PARP10: variants seen among roughly 807,000 people sequenced by gnomAD.
The protein encoded by PARP10 is protein mono-ADP-ribosyltransferase PARP10.
PARP10 carries 56 observed loss-of-function variants against 82.4 expected under a neutral mutation model. The ratio of observed to expected loss-of-function variants is 0.68; its 90% CI spans 0.55 to 0.85. The LOEUF is 0.85. Ranked by LOEUF, PARP10 falls within the 40% of genes least tolerant of loss-of-function variation. The pLI, the probability that PARP10 is intolerant of heterozygous loss-of-function variation, is 0.00. For missense variants in PARP10, 1,227 were observed against 1,379.4 expected (o/e 0.89, Z 1.75); for synonymous variants, 576 against 601.1 (o/e 0.96, Z 0.61).
upstream of PARP10, chr8:143,992,445 C>T (rs370903755): frequency 3.7e-5 from 60 of 1,613,974 alleles, no homozygotes; most frequent in East Asian, 7.6e-4. Context: ...CCCCATGGCC[C>T]GTTCCTCTCC....
intron 1 of PARP10, among the ~76,000 whole-genome samples, chr8:144,004,805 C>T (rs1564261663): frequency 1.3e-5 from 2 of 152,138 alleles, no homozygotes; most frequent in Non-Finnish European, 2.9e-5. Context: ...CCAAGTCAGA[C>T]CCAGTGTCCC....
chr8:144,012,060 T>C (rs1215013872), intron 1 of PARP10, among the ~76,000 whole-genome samples: 4 of 152,212 alleles, frequency 2.6e-5, no homozygotes, highest in Non-Finnish European at 4.4e-5. Context: ...TGCTGGACAC[T>C]GGGGTTTCCA....
intron 8 of PARP10, 40 bp from the exon 9 acceptor site, chr8:143,983,105 G>C: frequency 6.2e-7 from 1 of 1,613,474 alleles, no homozygotes. Flanking sequence ...AGCCATGCCT[G>C]GGGCACTAGC....
chr8:144,007,767 G>A (rs534690668), intron 1 of PARP10, among the ~76,000 whole-genome samples: 1 of 152,306 alleles, frequency 6.6e-6, no homozygotes, highest in South Asian at 2.1e-4. Flanking sequence ...AGACTAGACT[G>A]CCGGCACCAA....
At chr8:143,993,679 C>A (rs574585070), upstream of PARP10, among the ~76,000 whole-genome samples, 1 of 152,176 alleles carries the variant, frequency 6.6e-6, no homozygotes, top group Non-Finnish European at 1.5e-5. Context: ...CCAGGTGCTC[C>A]GTGGAGATGG....
intron 9 of PARP10, among the ~76,000 whole-genome samples, chr8:143,980,975 A>AAG (rs2133038095): frequency 6.6e-6 from 1 of 152,348 alleles, no homozygotes; most frequent in South Asian, 2.1e-4. Flanking sequence ...GAGGAGGCAA[A>AAG]AGAGAGAGAA....
upstream of PARP10, among the ~76,000 whole-genome samples, chr8:143,995,630 C>A (rs1834159257): frequency 6.6e-6 from 1 of 152,140 alleles, no homozygotes; most frequent in Non-Finnish European, 1.5e-5. Context: ...CTGATCTGGT[C>A]CTATCTTGTA....
chr8:144,012,258 G>T (rs1834293140), intron 1 of PARP10, among the ~76,000 whole-genome samples: 1 of 152,248 alleles, frequency 6.6e-6, no homozygotes. Flanking sequence ...GGTGAAGTTG[G>T]CGAGACAGAG....
At chr8:143,991,155 G>T, upstream of PARP10, 1 of 1,123,020 alleles carries the variant, frequency 8.9e-7, no homozygotes, top group South Asian at 1.6e-5. Context: ...TCCCGACGCT[G>T]TCGTCAAGCC....
intron 1 of PARP10, among the ~76,000 whole-genome samples, chr8:144,009,869 C>T (rs1306595158): frequency 1.3e-5 from 2 of 152,164 alleles, no homozygotes; most frequent in Non-Finnish European, 2.9e-5. Flanking sequence ...TCAGCTCTGC[C>T]CACTCTCTCC....
At position 143,984,074 on chromosome 8, in the gene PARP10, G is replaced by A; in HGVS notation, c.1711C>T (p.Pro571Ser). 1.9e-6 allele frequency: 3 copies of A among 1,549,440 alleles called. No individual in the cohort carries two copies. Among genetic ancestry groups the A allele is most frequent in the South Asian group, 1.2e-5 (1 of 80,566 alleles). ...GTCCACAGGGTGTGGGCGTTGCCAGGGAGCACTGGGAGGGCCTCGGTAGGG... is the reference window on the plus strand; with the variant it reads ...GTCCACAGGGTGTGGGCGTTGCCAGAGAGCACTGGGAGGGCCTCGGTAGGG... ...VDPTEALPVLPGNAHTLWTPD... is the reference protein window; with the variant it reads ...VDPTEALPVLSGNAHTLWTPD... Residue 571 changes from proline (P) to serine (S), a missense_variant, in exon 7 of 11, where the codon CCT becomes TCT. Physicochemically the swap from Pro to Ser is moderately conservative, Grantham distance 74. Transcript: ENST00000313028.
At chr8:143,986,500 C>T, upstream of PARP10, 1 of 1,394,708 alleles carries the variant, frequency 7.2e-7, no homozygotes, top group East Asian at 2.3e-5. Context: ...CAGCTGGGCC[C>T]TGGGCGCTGA....
upstream of PARP10, among the ~76,000 whole-genome samples, chr8:143,989,165 G>A (rs2133058881): frequency 6.6e-6 from 1 of 152,370 alleles, no homozygotes; most frequent in South Asian, 2.1e-4. The surrounding 1 kb of genome is among the most constrained non-coding windows in gnomAD (Gnocchi z 4.3). Context: ...GGCCCTCCAA[G>A]GGCGGGAGGG....
chr8:143,985,173 G>T lies in PARP10; in HGVS notation c.829C>A (p.Leu277Ile), dbSNP rs782403822. 11 of 1,614,168 alleles carry T rather than the reference G, an allele frequency of 6.8e-6. No individual in the cohort carries two copies. The highest frequency in any genetic ancestry group is 9.3e-6 in the Non-Finnish European group (11 of 1,180,024). Residue 277 changes from leucine (L) to isoleucine (I), a missense_variant, in exon 5 of 11, where the codon CTC (leucine) becomes ATC (isoleucine). Leu to Ile is a conservative substitution (Grantham distance 5, BLOSUM62 2). Transcript: ENST00000313028. ...TQGPRATKHALLRTGGLVTAL... is the reference protein window; with the variant it reads ...TQGPRATKHAILRTGGLVTAL... ...GTCACCAACCCTCCGGTCCTCAGGA[G>T]AGCATGCTTGGTAGCCCTAGGCCCC...
intron 1 of PARP10, among the ~76,000 whole-genome samples, chr8:144,010,646 A>G (rs1381346037): frequency 4.6e-5 from 7 of 152,218 alleles, no homozygotes; most frequent in African/African-American, 1.4e-4. Context: ...AGGCTGAGGC[A>G]GAAGGATTGC....
In PARP10 at chr8:143,977,722, C is replaced by G; in HGVS notation, c.2840G>C (p.Arg947Pro). The change falls in exon 11 of 11, where the codon CGG becomes CCG. Residue 947 changes from arginine to proline, a missense_variant. By Grantham distance (103) the Arg-to-Pro change is moderately radical. Transcript: ENST00000313028. ...CTGCCCGTAGTCGCCAGTCAGCACCCGTGCCACGAACACCGCCTTATGGCC... is the reference window on the plus strand; with the variant it reads ...CTGCCCGTAGTCGCCAGTCAGCACCGGTGCCACGAACACCGCCTTATGGCC... ...ADGHKAVFVA[R>P]VLTGDYGQGR... The G allele has an allele frequency of 6.3e-7, 1 of 1,599,080 alleles. No homozygotes were observed. Among genetic ancestry groups the G allele is most frequent in the Non-Finnish European group, 8.5e-7 (1 of 1,173,654 alleles).
intron 1 of PARP10, among the ~76,000 whole-genome samples, chr8:144,004,249 C>T (rs782775876): frequency 2.4e-4 from 37 of 151,958 alleles, no homozygotes; most frequent in Admixed American, 2.4e-3. Flanking sequence ...AGGTCGAGGC[C>T]CTGTCTCAGA....
rs1201985647 is a variant in PARP10 at position 144,008,389 on chromosome 8, G to C, written c.-80+4141C>G. On this transcript the variant is annotated intron_variant, in intron 1 of 3. Transcript: ENST00000530478. This position sits in a 1 kb window ranked among gnomAD's most constrained non-coding sequence, Gnocchi z 4.0. ...AAGAAAGGGGCAAAGATCCCTGAAG[G>C]CCTTGCCAAGCTGAAATGCTGAGCG... Among the ~76,000 whole-genome samples the C allele has an allele frequency of 6.6e-6, 1 of 152,202 alleles. No individual in the cohort carries two copies. Among genetic ancestry groups the C allele is most frequent in the Non-Finnish European group, 1.5e-5 (1 of 68,036 alleles).
At chr8:143,992,323 G>A, upstream of PARP10, 2 of 1,587,880 alleles carry the variant, frequency 1.3e-6, no homozygotes, top group Non-Finnish European at 1.7e-6. Context: ...CATCATGGCC[G>A]TGGGCATCAC....
Sources: gnomAD v4.1 joint callset for allele counts (sites outside exome capture counted in the v4.1 genomes callset) on GRCh38, gnomAD v4.1.1 for gene constraint, Gnocchi (gnomAD v3.1) non-coding constraint, MANE v1.5 for transcripts, NCBI Gene and HGNC (gene_info 2026-07-23, HGNC 2026-07-21) for gene names.